Variants in NECTIN3 observed in about 807,000 individuals in gnomAD.
NECTIN3 encodes nectin-3.
A neutral mutation model predicts 49.4 loss-of-function variants in NECTIN3; 8 were observed. The ratio of observed to expected loss-of-function variants is 0.16; its 90% CI spans 0.10 to 0.29. The LOEUF (loss-of-function observed/expected upper bound fraction) is 0.29. Ranked by LOEUF, NECTIN3 falls within the 10% of genes least tolerant of loss-of-function variation. NECTIN3 has a pLI of 1.00. For synonymous variants in NECTIN3, 277 were observed against 241.1 expected (o/e 1.15, Z -1.38); for missense variants, 581 against 654.6 (o/e 0.89, Z 1.23).
At chr3:111,173,195 G>T (rs1182139167) in intron 7 of NECTIN3, among the ~76,000 whole-genome samples, 1 of 152,088 alleles carries the variant, frequency 6.6e-6, no homozygotes, top group East Asian at 1.9e-4. Context: ...TCATCTCTGT[G>T]AACAAGGAAG....
At chr3:111,163,285 C>CAG (rs2035252670) in intron 7 of NECTIN3, among the ~76,000 whole-genome samples, 1 of 152,108 alleles carries the variant, frequency 6.6e-6, no homozygotes, top group African/African-American at 2.4e-5. Flanking sequence ...TGCATGTTCC[C>CAG]AGAGAGAGAG....
chr3:111,130,403 C>G (rs1015947598), intron 5 of NECTIN3, among the ~76,000 whole-genome samples: 1 of 151,826 alleles, frequency 6.6e-6, no homozygotes, highest in East Asian at 1.9e-4. Flanking sequence ...TGCTGCCTTT[C>G]CAGAATGACT....
intron 7 of NECTIN3, among the ~76,000 whole-genome samples, chr3:111,170,356 T>A (rs2035412350): frequency 6.6e-6 from 1 of 152,216 alleles, no homozygotes; most frequent in African/African-American, 2.4e-5. Flanking sequence ...ATGAACTGTG[T>A]CATTTAATCC....
chr3:111,193,294 G>T (rs747341620), intron 1 of NECTIN3: 5 of 1,535,838 alleles, frequency 3.3e-6, no homozygotes, highest in Non-Finnish European at 4.4e-6. Flanking sequence ...AATCAAATGT[G>T]CTACCAAGAC....
At chr3:111,152,276 A>G (rs1436281780) in intron 7 of NECTIN3, among the ~76,000 whole-genome samples, 1 of 151,906 alleles carries the variant, frequency 6.6e-6, no homozygotes, top group Non-Finnish European at 1.5e-5. Flanking sequence ...TACATCAAAC[A>G]GTAAATGTAT....
At chr3:111,147,471 A>C (rs553513554) in exon 7 of NECTIN3, 2 of 1,525,230 alleles carry the variant, frequency 1.3e-6, no homozygotes, top group Non-Finnish European at 8.8e-7. Flanking sequence ...TTGCCTCAGA[A>C]AGACCTATTT....
chr3:111,163,175 C>T (rs1472530845), intron 7 of NECTIN3, among the ~76,000 whole-genome samples: 1 of 152,198 alleles, frequency 6.6e-6, no homozygotes, highest in African/African-American at 2.4e-5. Context: ...ACTACCACTG[C>T]CCAAGGATCT....
Position 111,072,153 on chromosome 3 carries a change from C to T in NECTIN3, c.136C>T (p.Leu46=). The T allele has an allele frequency of 1.9e-6, 3 of 1,553,126 alleles. No homozygotes were observed. Among genetic ancestry groups the T allele is most frequent in the South Asian group, 1.2e-5 (1 of 84,112 alleles). The change falls in exon 1 of 6, where the codon CTG becomes TTG. Residue 46 remains leucine, a synonymous_variant. Transcript: ENST00000485303. The part of the protein sequence containing the change: ...PPPLLLLLFP[L]LLFSRLCGAL... ...TCCGCTGCTGCTGCTGCTCTTCCCG[C>T]TGCTGCTCTTCTCCAGGCTCTGTGG...
chr3:111,090,595 T>TGTGTCTCA (rs1265362074), intron 1 of NECTIN3, among the ~76,000 whole-genome samples: 1 of 150,662 alleles, frequency 6.6e-6, no homozygotes, highest in Admixed American at 6.6e-5. Flanking sequence ...TGTGTGTGTG[T>TGTGTCTCA]GTGTCTCATA....
chr3:111,121,388 T>C (rs1358359417), intron 3 of NECTIN3, among the ~76,000 whole-genome samples: 2 of 152,180 alleles, frequency 1.3e-5, no homozygotes, highest in Non-Finnish European at 2.9e-5. Flanking sequence ...GAATGAATGA[T>C]AGTTATTGGA....
intron 1 of NECTIN3, among the ~76,000 whole-genome samples, chr3:111,105,376 A>G (rs1267918204): frequency 6.6e-6 from 1 of 152,040 alleles, no homozygotes; most frequent in Non-Finnish European, 1.5e-5. Flanking sequence ...CAAGCAATTT[A>G]CCTGCCTCGG....
intron 1 of NECTIN3, among the ~76,000 whole-genome samples, chr3:111,104,613 A>C (rs2107432305): frequency 6.6e-6 from 1 of 151,900 alleles, no homozygotes; most frequent in East Asian, 1.9e-4. Context: ...GAGCCACTGC[A>C]CCCGACCTCT....
intron 1 of NECTIN3, among the ~76,000 whole-genome samples, chr3:111,084,251 G>A (rs567250576): frequency 9.2e-5 from 14 of 151,396 alleles, no homozygotes; most frequent in Non-Finnish European, 2.1e-4. Flanking sequence ...TAGAATGAGT[G>A]TGGAGTGATG....
intron 7 of NECTIN3, among the ~76,000 whole-genome samples, chr3:111,186,542 G>A (rs962827856): frequency 8.6e-5 from 13 of 152,010 alleles, no homozygotes; most frequent in African/African-American, 2.4e-4. Context: ...TTCCTTACAC[G>A]TTATACAAAA....
intron 7 of NECTIN3, among the ~76,000 whole-genome samples, chr3:111,187,008 A>T (rs1278598860): frequency 1.3e-5 from 2 of 152,184 alleles, no homozygotes; most frequent in Admixed American, 6.5e-5. Context: ...TTTGTTAATT[A>T]CTTTTTTAAA....
At chr3:111,081,139 G>A (rs2031576351) in intron 1 of NECTIN3, among the ~76,000 whole-genome samples, 1 of 152,168 alleles carries the variant, frequency 6.6e-6, no homozygotes. Flanking sequence ...AAATAAGCCA[G>A]GCATGGTGGA....
At chr3:111,118,245 A>T in intron 2 of NECTIN3, among the ~76,000 whole-genome samples, 1 of 33,782 alleles carries the variant, frequency 3.0e-5, no homozygotes, top group Non-Finnish European at 7.2e-5. Flanking sequence ...CTGTAAAATG[A>T]AGCTATATAT....
intron 2 of NECTIN3, among the ~76,000 whole-genome samples, chr3:111,115,563 A>G (rs1277995127): frequency 1.3e-5 from 2 of 152,226 alleles, no homozygotes; most frequent in Admixed American, 6.5e-5. Context: ...AAGATTCCCA[A>G]GTGACTTATG....
At chr3:111,143,661 T>C (rs537985447) in intron 5 of NECTIN3, among the ~76,000 whole-genome samples, 1 of 152,050 alleles carries the variant, frequency 6.6e-6, no homozygotes, top group South Asian at 2.1e-4. Context: ...TTATTGCAGT[T>C]ATTTAAGAGT....
Sources: gnomAD v4.1 joint callset for allele counts (sites outside exome capture counted in the v4.1 genomes callset) on GRCh38, gnomAD v4.1.1 for gene constraint, MANE v1.5 for transcripts, NCBI Gene and HGNC (gene_info 2026-07-23, HGNC 2026-07-21) for gene names.